Variants in PRKG1 observed in about 807,000 individuals in gnomAD.
PRKG1 encodes protein kinase cGMP-dependent 1.
A neutral mutation model predicts 88.1 loss-of-function variants in PRKG1; 35 were observed. The observed-to-expected ratio is 0.40, with a 90% confidence interval of 0.30 to 0.53. The LOEUF (loss-of-function observed/expected upper bound fraction) is 0.53. Ranked by LOEUF, PRKG1 falls within the 20% of genes least tolerant of loss-of-function variation. PRKG1 has a pLI of 0.59. For missense variants in PRKG1, 540 were observed against 839.8 expected, an observed-to-expected ratio of 0.64 and a Z score of 4.41; for synonymous variants, 303 against 292.5, an observed-to-expected ratio of 1.04 and a Z score of -0.37.
At chr10:52,081,584 A>T (rs1468784696) in intron 7 of PRKG1, 1 of 456,640 alleles carries the variant, frequency 2.2e-6, no homozygotes, top group Non-Finnish European at 4.4e-6. Context: ...ACCATATGCC[A>T]TGTACGATGT....
Position 51,310,807 on chromosome 10 carries a change from A to T in PRKG1, c.479-156916A>T, listed in dbSNP as rs1211250823. On this transcript the variant is annotated intron_variant, in intron 2 of 17. Transcript: ENST00000373980. Reference sequence around the variant, plus strand: ...GCCCCCATTATGGACCTTGCCCTCTAGGTGGGTAGGCAGTTCTTAATATTA... The same window carrying T: ...GCCCCCATTATGGACCTTGCCCTCTTGGTGGGTAGGCAGTTCTTAATATTA... 2.0e-5 allele frequency among the ~76,000 whole-genome samples: 3 copies of T among 152,146 alleles called. No individual in the cohort carries two copies. In the East Asian group the frequency reaches 5.8e-4, roughly 29 times the overall value.
chr10:51,861,714 A>G (rs927538273), intron 4 of PRKG1, among the ~76,000 whole-genome samples: 1 of 152,234 alleles, frequency 6.6e-6, no homozygotes, highest in Non-Finnish European at 1.5e-5. Flanking sequence ...TATGAAAACT[A>G]TAGTGATTTT....
At chr10:51,450,198 C>T (rs954895707) in intron 2 of PRKG1, among the ~76,000 whole-genome samples, 19 of 151,794 alleles carry the variant, frequency 1.3e-4, no homozygotes, top group African/African-American at 4.6e-4. Context: ...ATAAAAAGTT[C>T]TTCAGTAATA....
At chr10:51,678,070 C>T (rs1815574242) in intron 3 of PRKG1, among the ~76,000 whole-genome samples, 1 of 152,052 alleles carries the variant, frequency 6.6e-6, no homozygotes, top group Non-Finnish European at 1.5e-5. Flanking sequence ...ACTTGATAAG[C>T]CATTAATTAG....
chr10:51,299,530 G>A (rs2132236391), intron 2 of PRKG1: 2 of 468,912 alleles, frequency 4.3e-6, no homozygotes, highest in Non-Finnish European at 4.4e-6. Flanking sequence ...CTTTAAAGTA[G>A]GAACTTTGGT....
At chr10:51,920,370 T>C (rs1220007854) in intron 5 of PRKG1, among the ~76,000 whole-genome samples, 1 of 152,168 alleles carries the variant, frequency 6.6e-6, no homozygotes, top group Non-Finnish European at 1.5e-5. Flanking sequence ...GCTGAACTGT[T>C]GTCAGTTACT....
At chr10:51,238,326 A>G (rs1839054301) in intron 2 of PRKG1, among the ~76,000 whole-genome samples, 2 of 152,188 alleles carry the variant, frequency 1.3e-5, no homozygotes, top group South Asian at 2.1e-4. Flanking sequence ...CACGCCTATA[A>G]TCCCAGCACT....
chr10:51,086,672 T>C (rs919903516), intron 1 of PRKG1, among the ~76,000 whole-genome samples: 1 of 152,140 alleles, frequency 6.6e-6, no homozygotes, highest in South Asian at 2.1e-4. Flanking sequence ...TATACCAAAT[T>C]TGGTGTGCAG....
chr10:50,994,867 T>C (rs1320973847), intron 1 of PRKG1, among the ~76,000 whole-genome samples: 2 of 151,980 alleles, frequency 1.3e-5, no homozygotes, highest in Non-Finnish European at 2.9e-5. Flanking sequence ...AGCCTTTTCT[T>C]CTAAACAATA....
chr10:51,146,337 A>G (rs914847822), intron 1 of PRKG1, among the ~76,000 whole-genome samples: 1 of 152,198 alleles, frequency 6.6e-6, no homozygotes. Context: ...ATGATTAATG[A>G]TGTTGAGCAT....
At chr10:51,756,699 C>T (rs1391350037) in intron 3 of PRKG1, among the ~76,000 whole-genome samples, 2 of 151,792 alleles carry the variant, frequency 1.3e-5, no homozygotes, top group African/African-American at 2.4e-5. Flanking sequence ...CCTGTAGTCT[C>T]AGCTACTCGG....
intron 3 of PRKG1, among the ~76,000 whole-genome samples, chr10:51,519,966 T>C (rs992689842): frequency 2.0e-5 from 3 of 152,138 alleles, no homozygotes; most frequent in African/African-American, 7.2e-5. Flanking sequence ...TTTAACTATC[T>C]CATTTAATTT....
intron 10 of PRKG1, among the ~76,000 whole-genome samples, chr10:52,263,077 C>T (rs970051438): frequency 6.6e-6 from 1 of 152,100 alleles, no homozygotes; most frequent in Non-Finnish European, 1.5e-5. Context: ...TAATTATGTA[C>T]ATTTTGTTTA....
chr10:51,499,659 G>C (rs1418214432), intron 3 of PRKG1, among the ~76,000 whole-genome samples: 2 of 152,206 alleles, frequency 1.3e-5, no homozygotes, highest in Non-Finnish European at 2.9e-5. Context: ...ATCACTGTGA[G>C]CCAAGTGTGG....
chr10:51,026,197 A>G (rs943607330), intron 1 of PRKG1, among the ~76,000 whole-genome samples: 1 of 152,082 alleles, frequency 6.6e-6, no homozygotes, highest in Non-Finnish European at 1.5e-5. Flanking sequence ...TTGATTTTGG[A>G]CTTCTAGCCT....
At chr10:51,332,365 G>A (rs1022656513) in intron 2 of PRKG1, among the ~76,000 whole-genome samples, 5 of 152,094 alleles carry the variant, frequency 3.3e-5, no homozygotes, top group East Asian at 3.9e-4. Flanking sequence ...ACTTGGTACC[G>A]GACCTCAATT....
intron 4 of PRKG1, among the ~76,000 whole-genome samples, chr10:51,834,736 AAAG>A (rs1840089039): frequency 6.6e-6 from 1 of 151,436 alleles, no homozygotes; most frequent in Non-Finnish European, 1.5e-5. Context: ...AGAGAAAAGA[AAAG>A]AAAAAAGAAA....
intron 1 of PRKG1, among the ~76,000 whole-genome samples, chr10:51,002,803 T>C (rs940171282): frequency 3.3e-5 from 5 of 152,160 alleles, no homozygotes; most frequent in Non-Finnish European, 5.9e-5. Flanking sequence ...AAAAGGAAGT[T>C]GTACTCTGGG....
At chr10:51,993,766 T>A (rs1009125590) in intron 5 of PRKG1, among the ~76,000 whole-genome samples, 1 of 152,220 alleles carries the variant, frequency 6.6e-6, no homozygotes, top group East Asian at 1.9e-4. Flanking sequence ...TGTTTTGATT[T>A]ACATGACAAT....
Sources: allele counts gnomAD v4.1 joint callset (sites outside exome capture counted in the v4.1 genomes callset), GRCh38; gene constraint gnomAD v4.1.1; transcripts MANE v1.5; gene names NCBI Gene and HGNC (gene_info 2026-07-23, HGNC 2026-07-21).